The following TBC1D8 variants were observed in gnomAD, a reference collection of about 807,000 sequenced individuals.
The protein encoded by TBC1D8 is BUB2-like protein 1.
Under a neutral mutation model 118.8 loss-of-function variants are expected in TBC1D8, and 65 were observed. The ratio of observed to expected loss-of-function variants is 0.55; its 90% CI spans 0.45 to 0.67. The LOEUF is 0.67. Ranked by LOEUF, TBC1D8 falls within the 30% of genes least tolerant of loss-of-function variation. TBC1D8 has a pLI of 0.00. For missense variants in TBC1D8, 1,376 were observed against 1,471.2 expected (o/e 0.94, Z 1.06); for synonymous variants, 566 against 595.8 (o/e 0.95, Z 0.73).
At chr2:101,035,306 T>A (rs1426766371) in intron 9 of TBC1D8, among the ~76,000 whole-genome samples, 1 of 151,886 alleles carries the variant, frequency 6.6e-6, no homozygotes, top group African/African-American at 2.4e-5. Context: ...GGGCCCAAGC[T>A]CCTTTGCTCC....
chr2:101,132,421 ACCTGCTCCCTT>A (rs1678635638), intron 1 of TBC1D8, among the ~76,000 whole-genome samples: 1 of 152,268 alleles, frequency 6.6e-6, no homozygotes, highest in African/African-American at 2.4e-5. Context: ...CTTTTATAGC[ACCTGCTCCCTT>A]CAGTACAGTA....
In TBC1D8 at chr2:101,090,190, C is replaced by T; in HGVS notation, c.283+19G>A. 2 of 1,604,928 alleles carry T rather than the reference C, an allele frequency of 1.2e-6. No individual in the cohort carries two copies. Among genetic ancestry groups the T allele is most frequent in the Non-Finnish European group, 1.7e-6 (2 of 1,175,454 alleles). On this transcript the variant is annotated intron_variant, in intron 2 of 19. Transcript: ENST00000409318. Reference sequence around the variant, plus strand: ...TTACACCTTAAGGTTTGGAACATTCCAACTGGAACAAAACTCACCAGTGGC... The same window carrying T: ...TTACACCTTAAGGTTTGGAACATTCTAACTGGAACAAAACTCACCAGTGGC...
At chr2:101,122,403 A>AAAAAAAAAAAAAAAAAAAAAAT (rs1678166675) in intron 1 of TBC1D8, among the ~76,000 whole-genome samples, 1 of 137,236 alleles carries the variant, frequency 7.3e-6, no homozygotes, top group South Asian at 2.1e-4. Flanking sequence ...AAAAAAAAAA[A>AAAAAAAAAAAAAAAAAAAAAAT]AAAAAAAAGC....
At chr2:101,115,087 G>C (rs944759612) in intron 1 of TBC1D8, among the ~76,000 whole-genome samples, 1 of 152,230 alleles carries the variant, frequency 6.6e-6, no homozygotes, top group African/African-American at 2.4e-5. Context: ...CAGTGTCCAA[G>C]ATAGAGACAA....
intron 3 of TBC1D8, 95 bp from the exon 4 acceptor site, chr2:101,054,431 G>A: frequency 2.3e-6 from 3 of 1,279,694 alleles, no homozygotes; most frequent in South Asian, 1.4e-5. Context: ...GAGGTGCACA[G>A]GCCCCCGAGA....
chr2:101,109,983 A>G, intron 1 of TBC1D8: 1 of 985,388 alleles, frequency 1.0e-6, no homozygotes, highest in African/African-American at 1.7e-5. Context: ...GCAGTTCCAT[A>G]TGGCTTGTCT....
chr2:101,062,799 G>A (rs552918407), intron 2 of TBC1D8, among the ~76,000 whole-genome samples: 4 of 152,132 alleles, frequency 2.6e-5, no homozygotes, highest in East Asian at 1.9e-4. Context: ...ACACCACCAC[G>A]CCTGGCTAAC....
At chr2:101,130,942 G>A (rs1336780978) in intron 1 of TBC1D8, among the ~76,000 whole-genome samples, 7 of 152,190 alleles carry the variant, frequency 4.6e-5, no homozygotes, top group Admixed American at 4.6e-4. Context: ...CTCCTGTGTT[G>A]AAGTCATTTA....
At chr2:101,050,926 A>G (rs1283510305) in intron 4 of TBC1D8, among the ~76,000 whole-genome samples, 1 of 152,004 alleles carries the variant, frequency 6.6e-6, no homozygotes, top group Admixed American at 6.6e-5. Context: ...TCCACCCTCA[A>G]ATGGGTGCCT....
chr2:101,073,291 ATTTTATTTAT>A (rs1414968910), intron 2 of TBC1D8, among the ~76,000 whole-genome samples: 104 of 138,378 alleles, frequency 7.5e-4, no homozygotes, highest in Non-Finnish European at 5.4e-4. Flanking sequence ...ATTTTATTTT[ATTTTATTTAT>A]TTTTTTTTTT....
At chr2:101,012,625 CAAAA>C (rs71378138) in intron 17 of TBC1D8, among the ~76,000 whole-genome samples, 8 of 135,152 alleles carry the variant, frequency 5.9e-5, no homozygotes, top group Admixed American at 1.5e-4. Context: ...TCTGAATATA[CAAAA>C]AAAAAAAAAC....
chr2:101,027,933 C>T, intron 14 of TBC1D8, 115 bp downstream of exon 14: 1 of 919,536 alleles, frequency 1.1e-6, no homozygotes, highest in Non-Finnish European at 1.7e-6. Flanking sequence ...TTAATGTAAT[C>T]CAAAATATAT....
At chr2:101,028,015 C>T (rs771035769) in intron 14 of TBC1D8, 33 bp downstream of exon 14, 8 of 1,606,006 alleles carry the variant, frequency 5.0e-6, no homozygotes, top group East Asian at 2.2e-5. Flanking sequence ...TCCCCAATAC[C>T]GTGATCACCG....
At chr2:101,026,761 A>T (rs1358880855) in intron 15 of TBC1D8, among the ~76,000 whole-genome samples, 1 of 152,234 alleles carries the variant, frequency 6.6e-6, no homozygotes, top group Non-Finnish European at 1.5e-5. Flanking sequence ...AAACTCTAGT[A>T]ATGTGCCTGA....
chr2:101,141,779 C>T (rs1679109410), intron 1 of TBC1D8, among the ~76,000 whole-genome samples: 1 of 148,996 alleles, frequency 6.7e-6, no homozygotes, highest in African/African-American at 2.5e-5. Context: ...AAAAAGAATA[C>T]AGAAAAACCA....
chr2:101,020,242 A>G (rs1384520736), intron 17 of TBC1D8, among the ~76,000 whole-genome samples: 2 of 152,182 alleles, frequency 1.3e-5, no homozygotes, highest in Non-Finnish European at 2.9e-5. Flanking sequence ...TTGTTTTAAA[A>G]CCAAGATAAA....
chr2:101,059,211 CTTTT>C (rs142846099), intron 3 of TBC1D8, among the ~76,000 whole-genome samples: 121 of 140,298 alleles, frequency 8.6e-4, no homozygotes, highest in Non-Finnish European at 1.0e-3. Context: ...CCAGCCAAGT[CTTTT>C]TTTTTTTTTT....
intron 17 of TBC1D8, chr2:101,018,060 T>C (rs188583780): frequency 4.5e-5 from 41 of 904,346 alleles, no homozygotes; most frequent in Admixed American, 4.4e-4. Flanking sequence ...AAATGTAATG[T>C]TGACAATCTA....
At chr2:101,008,552 C>A (rs550051527) in intron 19 of TBC1D8, among the ~76,000 whole-genome samples, 2 of 152,132 alleles carry the variant, frequency 1.3e-5, no homozygotes, top group Non-Finnish European at 2.9e-5. Context: ...CAGTGGCTCC[C>A]GCCTGTAATC....
Sources: allele counts gnomAD v4.1 joint callset (sites outside exome capture counted in the v4.1 genomes callset), GRCh38; gene constraint gnomAD v4.1.1; transcripts MANE v1.5; gene names NCBI Gene and HGNC (gene_info 2026-07-23, HGNC 2026-07-21).